Variants in ACACB observed in about 807,000 individuals in gnomAD.
ACACB encodes the protein acetyl-CoA carboxylase 2.
Under a neutral mutation model 278.8 loss-of-function variants are expected in ACACB, and 209 were observed. That is an observed-to-expected ratio of 0.75 (90% CI 0.67 to 0.84). The LOEUF is 0.84. Among genes scored for constraint, ACACB ranks in the 40% least tolerant of loss-of-function variants. The probability of loss-of-function intolerance (pLI) is 0.00; values close to 1 mark genes in which losing one functional copy is unlikely to be tolerated. For synonymous variants in ACACB, 1,174 were observed against 1,285.6 expected (o/e 0.91, Z 1.86); for missense variants, 2,850 against 3,269.0 (o/e 0.87, Z 3.13).
At position 109,193,748 on chromosome 12, in the gene ACACB, C is replaced by G. The variant is rs772295817; in HGVS notation, c.2481+19C>G. 3 of 1,580,064 alleles carry G rather than the reference C, an allele frequency of 1.9e-6. No individual in the cohort carries two copies. In the South Asian group the frequency reaches 3.3e-5, roughly 17 times the overall value. ...TCTCAAGGTAAATGCCCCCGTGCCT[C>G]TCCGATGTCTCCAACACTCTGCAAG... On this transcript the variant is annotated intron_variant, in intron 16 of 52. Transcript: ENST00000338432.
In ACACB at chr12:109,158,709, C is replaced by T. The variant is rs1437753484; in HGVS notation, c.654-8152C>T. On this transcript the variant is annotated intron_variant, in intron 2 of 52. Transcript: ENST00000338432. ...ACAAATAAGGCTGGGTGCGGTGGCTCACACTTGTGGTCCCAGCACTTTGGG... is the reference window on the plus strand; with the variant it reads ...ACAAATAAGGCTGGGTGCGGTGGCTTACACTTGTGGTCCCAGCACTTTGGG... Among the ~76,000 whole-genome samples, 6 of 152,306 alleles carry T rather than the reference C, an allele frequency of 3.9e-5. No individual in the cohort carries two copies. The South Asian group carries it at 1.2e-3, about 32-fold the overall frequency.
chr12:109,247,574 G>A, intron 39 of ACACB, 32 bp from the exon 40 acceptor site: 2 of 1,530,532 alleles, frequency 1.3e-6, no homozygotes, highest in Non-Finnish European at 1.8e-6. Flanking sequence ...GCAGGGAACT[G>A]GATTCGTAGC....
chr12:109,246,513 T>C, intron 39 of ACACB, 65 bp downstream of exon 39: 1 of 1,561,736 alleles, frequency 6.4e-7, no homozygotes, highest in African/African-American at 1.4e-5. Context: ...TCAGTGGGAG[T>C]GCTAGCACCT....
At chr12:109,190,429 G>A (rs1162354400) in intron 13 of ACACB, among the ~76,000 whole-genome samples, 1 of 152,182 alleles carries the variant, frequency 6.6e-6, no homozygotes, top group Non-Finnish European at 1.5e-5. Flanking sequence ...GAGATTTGGA[G>A]TCTGTGTGTT....
chr12:109,122,495 C>G (rs143468288), intron 1 of ACACB, among the ~76,000 whole-genome samples: 1 of 149,722 alleles, frequency 6.7e-6, no homozygotes, highest in East Asian at 2.0e-4. Flanking sequence ...ATTGCTTGAG[C>G]CCAGGAATTC....
chr12:109,114,315 T>A (rs1455080240), upstream of ACACB, among the ~76,000 whole-genome samples: 1 of 152,204 alleles, frequency 6.6e-6, no homozygotes, highest in Admixed American at 6.5e-5. Context: ...CTTTTGTCTC[T>A]CTTAATGATG....
intron 28 of ACACB, among the ~76,000 whole-genome samples, chr12:109,228,631 C>A (rs1338867967): frequency 6.7e-6 from 1 of 150,172 alleles, no homozygotes. Flanking sequence ...TGCACTCCAG[C>A]CTGGGTGACA....
Position 109,254,255 on chromosome 12 carries a change from C to T in ACACB, c.6087C>T (p.Pro2029=), listed in dbSNP as rs765705912. ...TCCCTATCATCACACCCACTGACCCCATTGACAGAGAAATTGAATTCCTCC... is the reference window on the plus strand; with the variant it reads ...TCCCTATCATCACACCCACTGACCCTATTGACAGAGAAATTGAATTCCTCC... ...SPVPIITPTD[P]IDREIEFLPS... is the part of the protein sequence containing the mutation. Residue 2029 remains proline, a synonymous_variant, in exon 44 of 53, where the codon CCC becomes CCT. Coordinates refer to ENST00000338432, the MANE Select transcript of ACACB (RefSeq NM_001093.4). The T allele has an allele frequency of 1.2e-6, 2 of 1,613,912 alleles. No homozygotes were observed. The highest frequency in any genetic ancestry group is 1.7e-6 in the Non-Finnish European group (2 of 1,179,876).
intron 44 of ACACB, among the ~76,000 whole-genome samples, chr12:109,255,492 A>G (rs2047202168): frequency 6.6e-6 from 1 of 152,194 alleles, no homozygotes; most frequent in Non-Finnish European, 1.5e-5. Context: ...TCTCACTGTC[A>G]GGCCAGTCCT....
chr12:109,197,526 G>A (rs377170706), intron 17 of ACACB, among the ~76,000 whole-genome samples: 1 of 152,252 alleles, frequency 6.6e-6, no homozygotes, highest in East Asian at 1.9e-4. Context: ...CGTACCAGGC[G>A]CTGTGCTGGG....
chr12:109,242,201 T>C (rs1267912384), intron 36 of ACACB: 3 of 469,940 alleles, frequency 6.4e-6, no homozygotes, highest in Non-Finnish European at 1.1e-5. Context: ...GAGTGTGTGA[T>C]GCCTTGATCA....
chr12:109,199,070 G>T (rs546395445), intron 17 of ACACB, among the ~76,000 whole-genome samples: 1 of 152,048 alleles, frequency 6.6e-6, no homozygotes, highest in Admixed American at 6.5e-5. Flanking sequence ...GGCGCCTGTA[G>T]TCCCAGCTAT....
intron 11 of ACACB, among the ~76,000 whole-genome samples, chr12:109,181,013 ACT>A (rs757895702): frequency 9.3e-5 from 14 of 150,780 alleles, no homozygotes; most frequent in Non-Finnish European, 1.6e-4. Flanking sequence ...CCATCATTCT[ACT>A]CTCTGTGTCT....
chr12:109,207,729 AGT>A (rs2045563689), intron 20 of ACACB, among the ~76,000 whole-genome samples: 1 of 152,190 alleles, frequency 6.6e-6, no homozygotes, highest in Admixed American at 6.5e-5. Flanking sequence ...CCCACACCAA[AGT>A]GTGGTGGCAC....
chr12:109,265,697 G>C (rs1183815157), intron 52 of ACACB, among the ~76,000 whole-genome samples, 172 bp downstream of exon 52: 1 of 152,200 alleles, frequency 6.6e-6, no homozygotes, highest in African/African-American at 2.4e-5. Context: ...CCTAATGTCG[G>C]GTCTCCCAGC....
chr12:109,221,419 T>G (rs2046156760), intron 24 of ACACB, among the ~76,000 whole-genome samples: 1 of 152,172 alleles, frequency 6.6e-6, no homozygotes, highest in Admixed American at 6.5e-5. Flanking sequence ...GCACCTGCGC[T>G]GAGCTGTTCC....
chr12:109,114,354 T>C (rs2042363552), upstream of ACACB, among the ~76,000 whole-genome samples: 2 of 152,162 alleles, frequency 1.3e-5, no homozygotes, highest in South Asian at 4.2e-4. Context: ...GAGAGGAAGG[T>C]AGGGAGCCTT....
intron 16 of ACACB, among the ~76,000 whole-genome samples, chr12:109,196,455 A>G (rs1033468731): frequency 2.0e-5 from 3 of 152,136 alleles, no homozygotes; most frequent in Admixed American, 2.0e-4. Context: ...TCCTTTCGCT[A>G]TGTCCTTAGA....
intron 19 of ACACB, among the ~76,000 whole-genome samples, chr12:109,203,322 G>C (rs1325166978): frequency 2.0e-5 from 3 of 152,226 alleles, no homozygotes; most frequent in African/African-American, 7.2e-5. Context: ...CTATGAACAT[G>C]AGTGTACGAT....
Sources: gnomAD v4.1 joint callset for allele counts (sites outside exome capture counted in the v4.1 genomes callset) on GRCh38, gnomAD v4.1.1 for gene constraint, MANE v1.5 for transcripts, NCBI Gene and HGNC (gene_info 2026-07-23, HGNC 2026-07-21) for gene names.